The following TADA2A variants were observed in gnomAD, a reference collection of about 807,000 sequenced individuals.
TADA2A encodes transcriptional adaptor 2A, also known as transcriptional adapter 2-alpha.
In TADA2A, 38 loss-of-function variants were observed where a neutral mutation model predicts 67.4. That is an observed-to-expected ratio of 0.56 (90% CI 0.44 to 0.74). The LOEUF (loss-of-function observed/expected upper bound fraction) is 0.74, where lower values mean the gene tolerates loss of function less well. TADA2A is among the 30% of genes least tolerant of loss of function. TADA2A has a pLI of 0.00. For missense variants in TADA2A, 454 were observed against 547.0 expected, an observed-to-expected ratio of 0.83 and a Z score of 1.70; for synonymous variants, 192 against 181.6, an observed-to-expected ratio of 1.06 and a Z score of -0.46.
In TADA2A at chr17:37,474,632, A is replaced by G. The variant is rs373418599; in HGVS notation, c.1146+3A>G. On this transcript the variant is annotated splice_donor_region_variant and intron_variant, in intron 15 of 15. Coordinates refer to ENST00000615182, the MANE Select transcript of TADA2A (RefSeq NM_001166105.3). Reference sequence around the variant, plus strand: ...AGCTGAATGAAAAAGAAAAGGAGGTAACAAAAGGGAGGGGGCTGGGAGAAA... The same window carrying G: ...AGCTGAATGAAAAAGAAAAGGAGGTGACAAAAGGGAGGGGGCTGGGAGAAA... The G allele has an allele frequency of 1.9e-6, 3 of 1,609,924 alleles. No homozygotes were observed. In the African/African-American group the frequency reaches 4.0e-5, roughly 21 times the overall value.
intron 8 of TADA2A, among the ~76,000 whole-genome samples, chr17:37,455,961 C>T (rs1364192794): frequency 6.6e-6 from 1 of 152,008 alleles, no homozygotes; most frequent in Non-Finnish European, 1.5e-5. Context: ...TCCAGCACTT[C>T]GAGAGGCCAA....
intron 2 of TADA2A, among the ~76,000 whole-genome samples, chr17:37,421,418 A>G (rs923903783): frequency 6.8e-6 from 1 of 146,474 alleles, no homozygotes; most frequent in Non-Finnish European, 1.5e-5. Context: ...CAAGAAAAAA[A>G]AGAAAAATCC....
At chr17:37,469,883 A>G (rs2053748672) in intron 12 of TADA2A, among the ~76,000 whole-genome samples, 1 of 152,222 alleles carries the variant, frequency 6.6e-6, no homozygotes, top group East Asian at 1.9e-4. Flanking sequence ...AGCAAGATGC[A>G]TATAGAGACT....
intron 2 of TADA2A, among the ~76,000 whole-genome samples, chr17:37,414,896 CT>C (rs796198437): frequency 0.92 from 125,824 of 136,896 alleles, 58,293 homozygotes; most frequent in South Asian, 0.99. Context: ...TTTCTTTTCT[CT>C]TTTTTTTTTT....
chr17:37,408,890 CACTTAGTGATGAATTATTCTCCA>C (rs1276658316), intron 1 of TADA2A, among the ~76,000 whole-genome samples: 2 of 152,146 alleles, frequency 1.3e-5, no homozygotes, highest in Non-Finnish European at 2.9e-5. Flanking sequence ...ATGTTGCCCA[CACTTAGTGATGAATTATTCTCCA>C]AGCTAAAAAT....
intron 4 of TADA2A, among the ~76,000 whole-genome samples, chr17:37,433,332 A>ATCT (rs533156161): frequency 6.6e-5 from 10 of 152,074 alleles, no homozygotes; most frequent in Non-Finnish European, 1.5e-4. Context: ...AAATGTTAAC[A>ATCT]TCTTACATTA....
rs189678906 is a variant in TADA2A, at chr17:37,478,893, T to A, written c.*1911T>A. ...ATTCAAATAGAGGACTTCGATTTTT[T>A]AAAAAGAATGACGTGGAAATGACCT... On this transcript the variant is annotated 3_prime_UTR_variant, in exon 16 of 16. Transcript: ENST00000615182. The A allele has an allele frequency of 3.2e-4, 48 of 152,320 alleles. 1 individual carries two copies. The highest frequency in any genetic ancestry group is 1.2e-3 in the African/African-American group (48 of 41,566). The allele number at this position is 152,320 out of a possible 1,614,324, so 9.4% of individuals were successfully genotyped here. A position where few individuals can be genotyped will look rare whatever the true frequency, so the allele number is the denominator to read the frequency against.
chr17:37,472,535 A>C (rs1319545704), intron 14 of TADA2A, among the ~76,000 whole-genome samples: 1 of 152,134 alleles, frequency 6.6e-6, no homozygotes, highest in East Asian at 1.9e-4. Flanking sequence ...AAATCTAAAT[A>C]CAACTAAGTT....
chr17:37,467,996 C>A (rs772884838), intron 12 of TADA2A, among the ~76,000 whole-genome samples: 4 of 151,796 alleles, frequency 2.6e-5, no homozygotes, highest in African/African-American at 9.7e-5. Context: ...GCACAAGAAT[C>A]GCTTGAACCT....
intron 8 of TADA2A, among the ~76,000 whole-genome samples, chr17:37,449,737 A>G (rs567618318): frequency 5.2e-4 from 79 of 151,528 alleles, no homozygotes; most frequent in African/African-American, 1.8e-3. Context: ...CTCCCACCTC[A>G]GCTACCTGAG....
intron 13 of TADA2A, 118 bp from the exon 14 acceptor site, chr17:37,470,976 A>G (rs1390708815): frequency 2.1e-6 from 2 of 937,724 alleles, no homozygotes; most frequent in East Asian, 2.4e-5. Context: ...AGTTCAGTCT[A>G]TCTCATTACA....
intron 6 of TADA2A, 64 bp downstream of exon 6, chr17:37,440,726 G>A: frequency 6.4e-7 from 1 of 1,571,438 alleles, no homozygotes; most frequent in East Asian, 2.3e-5. Context: ...TTCAGTAGCA[G>A]ATAAAGAGTG....
intron 2 of TADA2A, among the ~76,000 whole-genome samples, chr17:37,422,108 C>T (rs1250254465): frequency 1.4e-5 from 2 of 143,482 alleles, no homozygotes; most frequent in African/African-American, 5.0e-5. Flanking sequence ...TGCAGCGGCG[C>T]GATCTCGGCT....
intron 1 of TADA2A, chr17:37,407,157 TG>T (rs1297234222): frequency 1.1e-5 from 1 of 87,248 alleles, no homozygotes; most frequent in Admixed American, 1.1e-4. Context: ...GAGGGCGGTG[TG>T]GGGCCGGGCC....
At chr17:37,415,978 G>A (rs563971968) in intron 2 of TADA2A, among the ~76,000 whole-genome samples, 1 of 151,930 alleles carries the variant, frequency 6.6e-6, no homozygotes, top group East Asian at 1.9e-4. Flanking sequence ...TATATGTCAG[G>A]GTAGTTTTAA....
intron 1 of TADA2A, chr17:37,407,240 T>G (rs1350540667): frequency 6.6e-6 from 1 of 152,310 alleles, no homozygotes; most frequent in Non-Finnish European, 1.5e-5. Context: ...CGCTCAGCCC[T>G]GGAGCGCGTA....
chr17:37,463,804 T>A (rs2053600811), intron 10 of TADA2A, among the ~76,000 whole-genome samples: 1 of 150,486 alleles, frequency 6.6e-6, no homozygotes, highest in Non-Finnish European at 1.5e-5. Context: ...ATAAAAAAAA[T>A]TAGCCAGGTG....
intron 8 of TADA2A, among the ~76,000 whole-genome samples, chr17:37,458,278 G>T (rs1441073694): frequency 6.6e-6 from 1 of 152,192 alleles, no homozygotes. Flanking sequence ...TCTGACTGCA[G>T]AAAGCAGAAT....
intron 9 of TADA2A, 26 bp from the exon 10 acceptor site, chr17:37,462,052 C>G (rs1459387744): frequency 6.5e-7 from 1 of 1,532,988 alleles, no homozygotes; most frequent in South Asian, 1.2e-5. Flanking sequence ...TTCTAATGCA[C>G]AAATTATTGT....
Sources: gnomAD v4.1 joint callset for allele counts (sites outside exome capture counted in the v4.1 genomes callset) on GRCh38, gnomAD v4.1.1 for gene constraint, MANE v1.5 for transcripts, NCBI Gene and HGNC (gene_info 2026-07-23, HGNC 2026-07-21) for gene names.